Variants in YPEL2 observed in about 807,000 individuals in gnomAD.
YPEL2 encodes the protein yippee like 2.
YPEL2 carries 2 observed loss-of-function variants against 19.1 expected under a neutral mutation model. The observed-to-expected ratio is 0.10, with a 90% CI of 0.04 to 0.33. YPEL2 has a LOEUF of 0.33. Among genes scored for constraint, YPEL2 ranks in the 10% least tolerant of loss-of-function variants. YPEL2 has a pLI of 1.00. For missense variants in YPEL2, 66 were observed against 140.7 expected, an observed-to-expected ratio of 0.47 and a Z score of 2.68; for synonymous variants, 52 against 50.0, an observed-to-expected ratio of 1.04 and a Z score of -0.17.
chr17:59,368,990 G>C (rs1425104568), intron 2 of YPEL2, among the ~76,000 whole-genome samples: 1 of 152,136 alleles, frequency 6.6e-6, no homozygotes, highest in Admixed American at 6.5e-5. Flanking sequence ...ATAGCAAGCA[G>C]GTAGATCACT....
At chr17:59,335,322 T>C (rs1296481158) in intron 1 of YPEL2, among the ~76,000 whole-genome samples, 2 of 152,156 alleles carry the variant, frequency 1.3e-5, no homozygotes, top group African/African-American at 4.8e-5. Context: ...AATTTGCCAA[T>C]GGCTTCCCAT....
At chr17:59,349,666 T>G (rs1366666233) in intron 1 of YPEL2, among the ~76,000 whole-genome samples, 2 of 148,584 alleles carry the variant, frequency 1.3e-5, no homozygotes, top group East Asian at 3.9e-4. Flanking sequence ...TTTTGTTTTG[T>G]TTTGTTTTGT....
chr17:59,363,613 G>A (rs537669022), intron 2 of YPEL2, among the ~76,000 whole-genome samples: 3 of 152,284 alleles, frequency 2.0e-5, no homozygotes, highest in African/African-American at 7.2e-5. Flanking sequence ...GCACCCAGCT[G>A]AACACTTTCC....
chr17:59,334,606 A>G (rs924398564), intron 1 of YPEL2, among the ~76,000 whole-genome samples: 10 of 146,540 alleles, frequency 6.8e-5, no homozygotes, highest in South Asian at 2.2e-4. Context: ...ACACACACAC[A>G]CGCCTGATGC....
chr17:59,378,347 CT>C (rs35976467), intron 2 of YPEL2, among the ~76,000 whole-genome samples: 77,068 of 141,872 alleles, frequency 0.54, 21,083 homozygotes, highest in African/African-American at 0.69. Flanking sequence ...GAGTCTCCTC[CT>C]TTTTTTTTTT....
At chr17:59,386,332 A>G in intron 2 of YPEL2, among the ~76,000 whole-genome samples, 1 of 151,866 alleles carries the variant, frequency 6.6e-6, no homozygotes, top group East Asian at 1.9e-4. Context: ...CTTGGGGGAA[A>G]AAAAAAAGGA....
At chr17:59,373,404 C>T (rs1411498647) in intron 2 of YPEL2, among the ~76,000 whole-genome samples, 3 of 152,266 alleles carry the variant, frequency 2.0e-5, no homozygotes, top group African/African-American at 7.2e-5. Context: ...CATGAAAGCC[C>T]TCTGCTGTGA....
chr17:59,365,349 C>G (rs1276119328), intron 2 of YPEL2, among the ~76,000 whole-genome samples: 3 of 152,200 alleles, frequency 2.0e-5, no homozygotes, highest in African/African-American at 7.2e-5. Context: ...TTTCTGGGGC[C>G]TTACCTGCAG....
chr17:59,351,719 G>A (rs2047788328), intron 1 of YPEL2, among the ~76,000 whole-genome samples: 1 of 152,206 alleles, frequency 6.6e-6, no homozygotes, highest in Non-Finnish European at 1.5e-5. Flanking sequence ...GTGGGAGACT[G>A]AGCAGGGGCG....
chr17:59,365,119 A>G (rs1005115400), intron 2 of YPEL2, among the ~76,000 whole-genome samples: 2 of 152,242 alleles, frequency 1.3e-5, no homozygotes, highest in Admixed American at 6.5e-5. Flanking sequence ...AAAGAAAACC[A>G]AATGGAAAGT....
rs139287272 is a variant in YPEL2, at chr17:59,371,131, C to T, written c.118-17196C>T. ...TGGGCTCTGGCTGGTGTTAAGTTGC[C>T]CCAAATACCCAGTCTCCTGTTTCAC... On this transcript the variant is annotated intron_variant, in intron 2 of 4. Coordinates refer to ENST00000312655, the MANE Select transcript of YPEL2 (RefSeq NM_001005404.4). Among the ~76,000 whole-genome samples, 548 of 152,236 alleles carry T rather than the reference C, an allele frequency of 3.6e-3. 3 individuals are homozygous for T. The highest frequency in any genetic ancestry group is 0.012 in the African/African-American group (495 of 41,540).
At chr17:59,376,949 CAAAAAAA>C (rs59030676) in intron 2 of YPEL2, among the ~76,000 whole-genome samples, 22 of 48,540 alleles carry the variant, frequency 4.5e-4, no homozygotes, top group Non-Finnish European at 7.7e-4. Context: ...CACACTGTCT[CAAAAAAA>C]AAAAAAAAAA....
At chr17:59,332,075 G>C (rs1046726928) in intron 1 of YPEL2, among the ~76,000 whole-genome samples, 9 of 151,978 alleles carry the variant, frequency 5.9e-5, no homozygotes, top group African/African-American at 2.2e-4. Context: ...GGGAGCCCAA[G>C]GGCGCGGGAC....
chr17:59,375,005 A>C (rs1441620946), intron 2 of YPEL2, among the ~76,000 whole-genome samples: 2 of 152,202 alleles, frequency 1.3e-5, no homozygotes, highest in African/African-American at 4.8e-5. Flanking sequence ...AAGATGGAGG[A>C]ATCAGGAAGC....
At chr17:59,389,273 C>T (rs1172697150) in intron 3 of YPEL2, 87 bp from the exon 4 acceptor site, 2 of 1,245,820 alleles carry the variant, frequency 1.6e-6, no homozygotes, top group Non-Finnish European at 2.3e-6. Flanking sequence ...ACAGCCTTTC[C>T]CAGTTAATTT....
intron 2 of YPEL2, 36 bp from the exon 3 acceptor site, chr17:59,388,291 G>C (rs762257307): frequency 1.9e-6 from 3 of 1,611,638 alleles, no homozygotes; most frequent in Non-Finnish European, 2.5e-6. Flanking sequence ...AGGTGAAATG[G>C]ATGTCTAACT....
intron 1 of YPEL2, among the ~76,000 whole-genome samples, chr17:59,345,846 A>G (rs2047753162): frequency 6.6e-6 from 1 of 151,882 alleles, no homozygotes; most frequent in African/African-American, 2.4e-5. Context: ...GCGTTATCTC[A>G]TTTCATCCTT....
chr17:59,332,822 T>G (rs955592803), intron 1 of YPEL2, among the ~76,000 whole-genome samples: 3 of 152,194 alleles, frequency 2.0e-5, no homozygotes, highest in Non-Finnish European at 4.4e-5. Flanking sequence ...GAAGCTTTGC[T>G]GGGGTTTTTG....
Position 59,394,588 on chromosome 17 carries a change from G to A in YPEL2, c.271-2513G>A, listed in dbSNP as rs549694784. Among the ~76,000 whole-genome samples the A allele has an allele frequency of 6.2e-5, 9 of 144,326 alleles. 1 individual carries two copies. The East Asian group carries it at 1.9e-3, about 30-fold the overall frequency. The allele number at this position is 144,326 out of a possible 152,430, so 94.7% of individuals were successfully genotyped here. Reference sequence around the variant, plus strand: ...GATGGGATGGTGGCTGGGCAGAGACGCTCCTCACTTTCCAGACTGGGCAGC... The same window carrying A: ...GATGGGATGGTGGCTGGGCAGAGACACTCCTCACTTTCCAGACTGGGCAGC... On this transcript the variant is annotated intron_variant, in intron 4 of 4. Transcript: ENST00000312655.
Sources: allele counts gnomAD v4.1 joint callset (sites outside exome capture counted in the v4.1 genomes callset), GRCh38; gene constraint gnomAD v4.1.1; transcripts MANE v1.5; gene names NCBI Gene and HGNC (gene_info 2026-07-23, HGNC 2026-07-21).